The following APBA1 variants were observed in gnomAD, a reference collection of about 807,000 sequenced individuals.
APBA1 encodes amyloid-beta A4 precursor protein-binding family A member 1.
APBA1 carries 55 observed loss-of-function variants against 86.6 expected under a neutral mutation model. That is an observed-to-expected ratio of 0.64 (90% CI 0.51 to 0.80). APBA1 has a LOEUF of 0.80. APBA1 is among the 30% of genes least tolerant of loss of function. The pLI is 0.00. For synonymous variants in APBA1, 511 were observed against 493.9 expected, an observed-to-expected ratio of 1.03 and a Z score of -0.46; for missense variants, 1,090 against 1,183.0, an observed-to-expected ratio of 0.92 and a Z score of 1.15.
chr9:69,668,751 AT>A (rs34118523), intron 1 of APBA1, among the ~76,000 whole-genome samples: 7,560 of 151,886 alleles, frequency 0.05, 233 homozygotes, highest in South Asian at 0.11. Flanking sequence ...AAAGCACACC[AT>A]TTTTTTGTTT....
At chr9:69,573,229 C>T (rs1028532828) in intron 1 of APBA1, among the ~76,000 whole-genome samples, 1 of 151,998 alleles carries the variant, frequency 6.6e-6, no homozygotes, top group Non-Finnish European at 1.5e-5. Flanking sequence ...TGCTTGTAAC[C>T]CCAGCACTTT....
chr9:69,629,230 A>G (rs1191607416), intron 1 of APBA1, among the ~76,000 whole-genome samples: 17 of 152,208 alleles, frequency 1.1e-4, no homozygotes, highest in Admixed American at 9.2e-4. Flanking sequence ...TATTTAATTA[A>G]TGACAAGATT....
chr9:69,441,941 C>T (rs778787360), intron 10 of APBA1, among the ~76,000 whole-genome samples: 28 of 152,216 alleles, frequency 1.8e-4, no homozygotes, highest in Non-Finnish European at 3.4e-4. Context: ...GGCTCCTGCT[C>T]CTGTCCCCTG....
intron 1 of APBA1, among the ~76,000 whole-genome samples, chr9:69,653,602 A>C (rs1823551336): frequency 6.6e-6 from 1 of 152,230 alleles, no homozygotes; most frequent in African/African-American, 2.4e-5. Flanking sequence ...TCATATCAAT[A>C]ATCTTTTCTG....
intron 1 of APBA1, among the ~76,000 whole-genome samples, chr9:69,558,543 C>T (rs1836897878): frequency 7.3e-6 from 1 of 137,142 alleles, no homozygotes; most frequent in Non-Finnish European, 1.5e-5. Context: ...TACACACACA[C>T]ATACACACAC....
intron 1 of APBA1, among the ~76,000 whole-genome samples, chr9:69,644,818 C>G (rs1193413738): frequency 6.6e-6 from 1 of 152,142 alleles, no homozygotes; most frequent in African/African-American, 2.4e-5. Context: ...GATGGTTTCT[C>G]AGCAGGAGTA....
intron 1 of APBA1, among the ~76,000 whole-genome samples, chr9:69,583,384 A>G (rs1040755191): frequency 6.6e-6 from 1 of 152,044 alleles, no homozygotes; most frequent in African/African-American, 2.4e-5. Context: ...TGCCTTCCCT[A>G]TTGAGGTTAA....
rs190137119 is a variant in APBA1, at chr9:69,608,310, C to T, written c.-70+63843G>A. On this transcript the variant is annotated intron_variant, in intron 1 of 12. Coordinates refer to ENST00000265381, the MANE Select transcript of APBA1 (RefSeq NM_001163.4). Reference sequence around the variant, plus strand: ...GGCCACAGTGATAAACTAATGCACCCGTACCAGATTAGGTACATCTTAATC... The same window carrying T: ...GGCCACAGTGATAAACTAATGCACCTGTACCAGATTAGGTACATCTTAATC... Among the ~76,000 whole-genome samples, 800 of 152,260 alleles carry T rather than the reference C, an allele frequency of 5.3e-3. 3 individuals carry two copies. Among genetic ancestry groups the T allele is most frequent in the Non-Finnish European group, 9.2e-3 (627 of 68,022 alleles).
At chr9:69,616,990 A>G (rs972719211) in intron 1 of APBA1, among the ~76,000 whole-genome samples, 7 of 152,204 alleles carry the variant, frequency 4.6e-5, no homozygotes, top group African/African-American at 1.7e-4. Context: ...AAAGAATCTG[A>G]AAACAATGCA....
intron 1 of APBA1, among the ~76,000 whole-genome samples, chr9:69,604,245 A>G (rs1325382381): frequency 1.5e-5 from 2 of 133,670 alleles, no homozygotes; most frequent in Non-Finnish European, 3.2e-5. Flanking sequence ...CACGCATATG[A>G]GGGTAAGTGG....
At chr9:69,589,723 C>T (rs1254354405) in intron 1 of APBA1, among the ~76,000 whole-genome samples, 1 of 152,104 alleles carries the variant, frequency 6.6e-6, no homozygotes, top group Non-Finnish European at 1.5e-5. Context: ...AATCGTGAAC[C>T]GGAAGATCTG....
chr9:69,559,359 T>A (rs571304496), intron 1 of APBA1, among the ~76,000 whole-genome samples: 14 of 152,308 alleles, frequency 9.2e-5, no homozygotes, highest in Admixed American at 2.0e-4. Context: ...CAGATCAAGA[T>A]GATAACATTT....
chr9:69,563,335 T>TCTC (rs5898085), intron 1 of APBA1, among the ~76,000 whole-genome samples: 94,928 of 151,814 alleles, frequency 0.63, 30,194 homozygotes, highest in East Asian at 0.83. Flanking sequence ...CTACTAAATT[T>TCTC]CTCTACTTTT....
intron 2 of APBA1, among the ~76,000 whole-genome samples, chr9:69,511,545 C>G (rs1227962009): frequency 1.3e-5 from 2 of 151,818 alleles, no homozygotes; most frequent in African/African-American, 4.9e-5. Flanking sequence ...ACTAGAAATA[C>G]CATTTGACCC....
intron 2 of APBA1, among the ~76,000 whole-genome samples, chr9:69,511,329 T>C (rs375736424): frequency 6.6e-6 from 1 of 152,140 alleles, no homozygotes; most frequent in African/African-American, 2.4e-5. Context: ...AAAATGCTCA[T>C]CATCACTGGC....
chr9:69,606,848 G>A (rs1033100011), intron 1 of APBA1, among the ~76,000 whole-genome samples: 1 of 152,004 alleles, frequency 6.6e-6, no homozygotes, highest in African/African-American at 2.4e-5. Context: ...CTATTCTCAG[G>A]CCATGCTGCT....
At chr9:69,641,870 G>C (rs529692179) in intron 1 of APBA1, among the ~76,000 whole-genome samples, 1 of 152,256 alleles carries the variant, frequency 6.6e-6, no homozygotes, top group Admixed American at 6.5e-5. Flanking sequence ...TTTTGACAGA[G>C]TCTCTCGCTC....
chr9:69,601,836 C>A (rs989381049), intron 1 of APBA1, among the ~76,000 whole-genome samples: 5 of 152,164 alleles, frequency 3.3e-5, no homozygotes, highest in Non-Finnish European at 5.9e-5. Context: ...AACTACTTTC[C>A]CGAAGAGAGT....
chr9:69,452,173 G>A lies in APBA1; in HGVS notation c.1917C>T (p.Asp639=), dbSNP rs1053634772. The change falls in exon 9 of 13, where the codon GAC becomes GAT. Residue 639 remains aspartate (D), a synonymous_variant. Transcript: ENST00000265381. ...AGTGGATCAGGTCATCGTTGTACAT[G>A]TCCTGGGTATTGAGCAGGTCACTAT... is the stretch of plus-strand genomic sequence containing the variant. ...KEYSDLLNTQ[D]MYNDDLIHFS... 9.3e-6 allele frequency: 15 copies of A among 1,614,106 alleles called. No homozygotes were observed. Among genetic ancestry groups the A allele is most frequent in the Non-Finnish European group, 1.3e-5 (15 of 1,180,046 alleles).
Sources: gnomAD v4.1 joint callset for allele counts (sites outside exome capture counted in the v4.1 genomes callset) on GRCh38, gnomAD v4.1.1 for gene constraint, MANE v1.5 for transcripts, NCBI Gene and HGNC (gene_info 2026-07-23, HGNC 2026-07-21) for gene names.